AMPD3: variants seen among roughly 807,000 people sequenced by gnomAD.
AMPD3 encodes the protein adenosine monophosphate deaminase 3.
In AMPD3, 57 loss-of-function variants were observed where a neutral mutation model predicts 82.3. The observed-to-expected ratio is 0.69, with a 90% CI of 0.56 to 0.86. The LOEUF is 0.86. Ranked by LOEUF, AMPD3 falls within the 40% of genes least tolerant of loss-of-function variation. The probability of loss-of-function intolerance (pLI) is 0.00; values close to 1 mark genes in which losing one functional copy is unlikely to be tolerated. For missense variants in AMPD3, 870 were observed against 1,003.8 expected, an observed-to-expected ratio of 0.87 and a Z score of 1.80; for synonymous variants, 381 against 394.7, an observed-to-expected ratio of 0.97 and a Z score of 0.41.
rs780050586 is a variant in AMPD3 at position 10,505,740 on chromosome 11, T to C, written c.2160T>C (p.Tyr720=). The change falls in exon 15 of 15, where the codon TAT becomes TAC. Residue 720 remains tyrosine, a synonymous_variant. Coordinates refer to ENST00000396553, the MANE Select transcript of AMPD3 (RefSeq NM_001025389.2). Reference sequence around the variant, plus strand: ...AAAAGTTTCTGGGACAAAATTATTATAAAGAAGGACCTGAAGGAAATGATA... The same window carrying C: ...AAAAGTTTCTGGGACAAAATTATTACAAAGAAGGACCTGAAGGAAATGATA... The part of the protein sequence containing the change: ...EKQKFLGQNY[Y]KEGPEGNDIR... The C allele has an allele frequency of 6.2e-7, 1 of 1,614,032 alleles. No individual in the cohort carries two copies. Among genetic ancestry groups the C allele is most frequent in the South Asian group, 1.1e-5 (1 of 91,082 alleles).
chr11:10,486,170 C>A (rs1265570238), intron 5 of AMPD3, among the ~76,000 whole-genome samples: 1 of 152,154 alleles, frequency 6.6e-6, no homozygotes, highest in African/African-American at 2.4e-5. Context: ...TGTGAGGATC[C>A]TGCCTAGGGA....
At chr11:10,499,548 C>A in intron 10 of AMPD3, 2 of 537,478 alleles carry the variant, frequency 3.7e-6, no homozygotes, top group Non-Finnish European at 4.8e-6. Flanking sequence ...TTCTTAATTG[C>A]TTTGGCCCTG....
intron 13 of AMPD3, among the ~76,000 whole-genome samples, chr11:10,503,572 T>C (rs1849635203): frequency 6.6e-6 from 1 of 152,248 alleles, no homozygotes; most frequent in Non-Finnish European, 1.5e-5. Context: ...TTATGTGGGT[T>C]ATATCTACTG....
At chr11:10,502,663 C>G in intron 12 of AMPD3, 58 bp from the exon 13 acceptor site, 6 of 1,604,148 alleles carry the variant, frequency 3.7e-6, no homozygotes, top group Non-Finnish European at 5.1e-6. Flanking sequence ...TTCTCCCTTC[C>G]CTTTTCCCTT....
upstream of AMPD3, among the ~76,000 whole-genome samples, chr11:10,453,129 T>C (rs1041161899): frequency 6.6e-6 from 1 of 152,204 alleles, no homozygotes; most frequent in Non-Finnish European, 1.5e-5. Context: ...TTTGTGTTTT[T>C]AGTAGAGATG....
At chr11:10,472,208 T>C (rs1174718416) in intron 2 of AMPD3, among the ~76,000 whole-genome samples, 1 of 151,378 alleles carries the variant, frequency 6.6e-6, no homozygotes, top group Non-Finnish European at 1.5e-5. Flanking sequence ...AAACCAAACA[T>C]CGCATGTTCT....
chr11:10,505,605 G>T lies in AMPD3; in HGVS notation c.2128-103G>T, dbSNP rs1326370458. The T allele has an allele frequency of 3.2e-6, 5 of 1,545,806 alleles. No homozygotes were observed. In the African/African-American group the frequency reaches 6.9e-5, roughly 21 times the overall value. ...GTCCTGACCAAAGATCTGCTTCAGG[G>T]GGACTAGTCTGACTTGCTGTGACTG... On this transcript the variant is annotated intron_variant, in intron 14 of 14. Transcript: ENST00000396553.
At position 10,456,018 on chromosome 11, in the gene AMPD3, G is replaced by T. The variant is rs937605898; in HGVS notation, c.-6+570G>T. ...CTTATCTCCTGCAGCTGGGCAGGAC[G>T]GCTGAGTTTACTGTTGTAAAGAGGA... On this transcript the variant is annotated intron_variant, in intron 1 of 14. Coordinates refer to ENST00000396553, the MANE Select transcript of AMPD3 (RefSeq NM_001025389.2). This position sits in a 1 kb window ranked among gnomAD's most constrained non-coding sequence, Gnocchi z 4.3. 1.0e-6 allele frequency: 1 copy of T among 985,252 alleles called. No homozygotes were observed. Among genetic ancestry groups the T allele is most frequent in the African/African-American group, 1.7e-5 (1 of 57,206 alleles). 61.0% of individuals were successfully genotyped at this position (985,252 alleles called of 1,614,324 possible).
In AMPD3 at chr11:10,504,142, C is replaced by G. The variant is rs867817823; in HGVS notation, c.2017-407C>G. On this transcript the variant is annotated intron_variant, in intron 13 of 14. Coordinates refer to ENST00000396553, the MANE Select transcript of AMPD3 (RefSeq NM_001025389.2). ...TCTATCTATCTATCTATCTATCTATCTATCTATTTATCTATCTATCATCTA... is the reference window on the plus strand; with the variant it reads ...TCTATCTATCTATCTATCTATCTATGTATCTATTTATCTATCTATCATCTA... 39 of 597,026 alleles carry G rather than the reference C, an allele frequency of 6.5e-5. No individual in the cohort carries two copies. In the African/African-American group the frequency reaches 1.0e-3, roughly 15 times the overall value. The allele number at this position is 597,026 out of a possible 1,614,324, so 37.0% of individuals were successfully genotyped here.
chr11:10,477,525 G>C (rs1395840072), intron 2 of AMPD3, among the ~76,000 whole-genome samples: 1 of 152,176 alleles, frequency 6.6e-6, no homozygotes, highest in Non-Finnish European at 1.5e-5. Context: ...GAGGAAGGTA[G>C]AGTCATCACA....
intron 2 of AMPD3, among the ~76,000 whole-genome samples, chr11:10,464,591 C>T (rs566608522): frequency 2.0e-5 from 3 of 152,148 alleles, no homozygotes; most frequent in Non-Finnish European, 2.9e-5. Context: ...TCAAAGCTCC[C>T]GCTCTGTCCA....
intron 1 of AMPD3, among the ~76,000 whole-genome samples, chr11:10,460,160 C>G (rs908485814): frequency 2.7e-5 from 4 of 150,180 alleles, no homozygotes; most frequent in Non-Finnish European, 5.9e-5. Flanking sequence ...TGCAGTAGTA[C>G]GATCATAACT....
At position 10,506,168 on chromosome 11, in the gene AMPD3, G is replaced by A. The variant is rs1169865310; in HGVS notation, c.*284G>A. ...AAGTATTTCTCTTGAAACTGCCAGT[G>A]CCTGAACTGTTGGGGCCAGGATTTT... On this transcript the variant is annotated 3_prime_UTR_variant, in exon 15 of 15. Coordinates refer to ENST00000396553, the MANE Select transcript of AMPD3 (RefSeq NM_001025389.2). This position sits in a 1 kb window ranked among gnomAD's most constrained non-coding sequence, Gnocchi z 4.1. 2 of 444,176 alleles carry A rather than the reference G, an allele frequency of 4.5e-6. No homozygotes were observed. The highest frequency in any genetic ancestry group is 2.1e-5 in the South Asian group (1 of 47,104). The allele number at this position is 444,176 out of a possible 1,614,324, so 27.5% of individuals were successfully genotyped here.
At chr11:10,454,245 C>A (rs1848031595), upstream of AMPD3, among the ~76,000 whole-genome samples, 1 of 152,154 alleles carries the variant, frequency 6.6e-6, no homozygotes, top group Non-Finnish European at 1.5e-5. Flanking sequence ...TTCAGCAGGA[C>A]CCTTGGTCAT....
chr11:10,464,510 C>T (rs868339339), intron 2 of AMPD3, among the ~76,000 whole-genome samples: 3 of 152,114 alleles, frequency 2.0e-5, no homozygotes, highest in Non-Finnish European at 1.5e-5. Flanking sequence ...GGTCTGTAGA[C>T]CCTGGAATGA....
At chr11:10,475,166 G>A (rs1380913374) in intron 2 of AMPD3, among the ~76,000 whole-genome samples, 1 of 152,164 alleles carries the variant, frequency 6.6e-6, no homozygotes, top group Non-Finnish European at 1.5e-5. Flanking sequence ...CAAAGCAGGA[G>A]CAGGCGTCTT....
At chr11:10,467,333 G>A (rs1428871246) in intron 2 of AMPD3, among the ~76,000 whole-genome samples, 6 of 152,086 alleles carry the variant, frequency 3.9e-5, no homozygotes, top group Non-Finnish European at 8.8e-5. Flanking sequence ...ATGACCTGAT[G>A]GAGCAGAAAA....
At chr11:10,494,023 C>T (rs1416729074) in intron 7 of AMPD3, among the ~76,000 whole-genome samples, 1 of 152,216 alleles carries the variant, frequency 6.6e-6, no homozygotes, top group Non-Finnish European at 1.5e-5. Context: ...TGAACAGATA[C>T]TCACATACCA....
chr11:10,466,983 C>T (rs574224866), intron 2 of AMPD3, among the ~76,000 whole-genome samples: 1 of 152,182 alleles, frequency 6.6e-6, no homozygotes, highest in African/African-American at 2.4e-5. Flanking sequence ...AGGAATAGCA[C>T]ATCTAATCAG....
Sources: allele counts gnomAD v4.1 joint callset (sites outside exome capture counted in the v4.1 genomes callset), GRCh38; gene constraint gnomAD v4.1.1; non-coding constraint Gnocchi (gnomAD v3.1); transcripts MANE v1.5; gene names NCBI Gene and HGNC (gene_info 2026-07-23, HGNC 2026-07-21).